BEND7: variants seen among roughly 807,000 people sequenced by gnomAD.
BEND7 encodes the protein BEN domain-containing protein 7.
Under a neutral mutation model 50.9 loss-of-function variants are expected in BEND7, and 28 were observed. The ratio of observed to expected loss-of-function variants is 0.55; its 90% CI spans 0.41 to 0.75. The LOEUF (loss-of-function observed/expected upper bound fraction) is 0.75, where lower values mean the gene tolerates loss of function less well. Among genes scored for constraint, BEND7 ranks in the 30% least tolerant of loss-of-function variants. The pLI, the probability that BEND7 is intolerant of heterozygous loss-of-function variation, is 0.00. For missense variants in BEND7, 477 were observed against 491.3 expected (o/e 0.97, Z 0.28); for synonymous variants, 170 against 183.9 (o/e 0.92, Z 0.61).
chr10:13,525,716 CCCAA>C, intron 2 of BEND7, among the ~76,000 whole-genome samples: 1 of 152,216 alleles, frequency 6.6e-6, no homozygotes, highest in Admixed American at 6.5e-5. Context: ...CTCTATCCCA[CCCAA>C]GGCAGAAGCA....
At chr10:13,501,144 G>A (rs2077418125) in intron 2 of BEND7, among the ~76,000 whole-genome samples, 1 of 151,908 alleles carries the variant, frequency 6.6e-6, no homozygotes, top group South Asian at 2.1e-4. Context: ...GGAGGCCGAG[G>A]CGGGTAGATC....
At chr10:13,482,468 G>A (rs1045164714) in intron 5 of BEND7, among the ~76,000 whole-genome samples, 6 of 152,262 alleles carry the variant, frequency 3.9e-5, no homozygotes, top group South Asian at 2.1e-4. Flanking sequence ...GTGAGGATCC[G>A]GGATGAATTT....
intron 8 of BEND7, chr10:13,446,267 C>T (rs574345280): frequency 1.3e-5 from 2 of 152,312 alleles, no homozygotes; most frequent in East Asian, 3.9e-4. Context: ...CTCTGAAGCT[C>T]TGAAGTTCAC....
Position 13,474,699 on chromosome 10 carries a change from A to G in BEND7, c.1063+6200T>C, listed in dbSNP as rs1453920003. ...GATATCCGTCATCAGTGTTGGGCTCAGGTCGATACCCGTCATCAGTGTTGG... is the reference window on the plus strand; with the variant it reads ...GATATCCGTCATCAGTGTTGGGCTCGGGTCGATACCCGTCATCAGTGTTGG... On this transcript the variant is annotated intron_variant, in intron 6 of 8. Transcript: ENST00000466271. 6.5e-5 allele frequency among the ~76,000 whole-genome samples: 9 copies of G among 138,044 alleles called. No individual in the cohort carries two copies. The South Asian group carries it at 9.6e-4, about 15-fold the overall frequency. 90.6% of individuals were successfully genotyped at this position (138,044 alleles called of 152,430 possible). A position where few individuals can be genotyped will look rare whatever the true frequency, so the allele number is the denominator to read the frequency against.
In BEND7 at chr10:13,441,321, A is replaced by AT; in HGVS notation, c.*421dup. On this transcript the variant is annotated 3_prime_UTR_variant, in exon 9 of 9. Coordinates refer to ENST00000466271, the MANE Select transcript of BEND7 (RefSeq NM_001369863.1). ...GATTTTTTTTTTGCTAAGAAAGCCT[A>AT]TAAAAAGGTTTCTGAATAAAGACTG... 1 of 998,410 alleles carries AT rather than the reference A, an allele frequency of 1.0e-6. No homozygotes were observed. The highest frequency in any genetic ancestry group is 1.2e-6 in the Non-Finnish European group (1 of 838,538). 61.8% of individuals were successfully genotyped at this position (998,410 alleles called of 1,614,324 possible). A position where few individuals can be genotyped will look rare whatever the true frequency, so the allele number is the denominator to read the frequency against.
At chr10:13,527,357 C>T (rs939204273) in intron 1 of BEND7, among the ~76,000 whole-genome samples, 1 of 152,208 alleles carries the variant, frequency 6.6e-6, no homozygotes, top group Non-Finnish European at 1.5e-5. Flanking sequence ...TTCAAAATGC[C>T]TATAATCAAA....
In BEND7 at chr10:13,441,129, A is replaced by C. The variant is rs990071030; in HGVS notation, c.*614T>G. On this transcript the variant is annotated 3_prime_UTR_variant, in exon 9 of 9. Transcript: ENST00000466271. ...TATTGTATTCTTCCAGATCAGACAT[A>C]AAGAGCATCTTGGGAATTGATACCA... is the stretch of plus-strand genomic sequence containing the variant. The C allele has an allele frequency of 2.5e-5, 25 of 985,362 alleles. No individual in the cohort carries two copies. The highest frequency in any genetic ancestry group is 2.8e-5 in the Non-Finnish European group (23 of 829,842). The allele number at this position is 985,362 out of a possible 1,614,324, so 61.0% of individuals were successfully genotyped here. A position where few individuals can be genotyped will look rare whatever the true frequency, so the allele number is the denominator to read the frequency against.
intron 5 of BEND7, among the ~76,000 whole-genome samples, chr10:13,489,182 G>A (rs2076468647): frequency 6.6e-6 from 1 of 152,188 alleles, no homozygotes; most frequent in South Asian, 2.1e-4. Flanking sequence ...GAGAAATGGA[G>A]TGGGGAGGGG....
At chr10:13,492,960 A>C in intron 4 of BEND7, 84 bp from the exon 5 acceptor site, 1 of 1,476,152 alleles carries the variant, frequency 6.8e-7, no homozygotes, top group Non-Finnish European at 9.1e-7. Context: ...TGTGATCTAC[A>C]AACTGAAACC....
intron 2 of BEND7, among the ~76,000 whole-genome samples, chr10:13,522,030 A>T (rs2079111401): frequency 6.6e-6 from 1 of 152,216 alleles, no homozygotes; most frequent in Non-Finnish European, 1.5e-5. Context: ...CATGGCTGCC[A>T]CACTGTGTGC....
intron 4 of BEND7, among the ~76,000 whole-genome samples, chr10:13,493,908 C>T (rs2076848445): frequency 6.6e-6 from 1 of 152,188 alleles, no homozygotes; most frequent in Non-Finnish European, 1.5e-5. Flanking sequence ...GGCATATAAA[C>T]ATGAATCACC....
At chr10:13,505,894 A>G (rs1483585191) in intron 2 of BEND7, among the ~76,000 whole-genome samples, 1 of 152,206 alleles carries the variant, frequency 6.6e-6, no homozygotes, top group Admixed American at 6.5e-5. Context: ...AATTAAAAAA[A>G]CCCTGCTTAT....
chr10:13,506,061 C>G (rs550403108), intron 2 of BEND7, among the ~76,000 whole-genome samples: 23 of 152,238 alleles, frequency 1.5e-4, no homozygotes, highest in Admixed American at 4.6e-4. Context: ...TTGAAAGGTA[C>G]CCCAACTCTC....
chr10:13,440,862 G>GT, downstream of BEND7, among the ~76,000 whole-genome samples: 1 of 152,324 alleles, frequency 6.6e-6, no homozygotes, highest in East Asian at 1.9e-4. Context: ...GGGACTTGCT[G>GT]TAGCCATTGA....
intron 2 of BEND7, among the ~76,000 whole-genome samples, chr10:13,504,312 C>T (rs924958169): frequency 2.0e-5 from 3 of 152,144 alleles, no homozygotes; most frequent in African/African-American, 7.2e-5. Context: ...AGCCAAGCCA[C>T]TGAATATTCT....
In BEND7 at chr10:13,441,448, CA is replaced by C; in HGVS notation, c.*294del. On this transcript the variant is annotated 3_prime_UTR_variant, in exon 9 of 9. Transcript: ENST00000466271. Reference sequence around the variant, plus strand: ...CCAGTGTGTAGATCCGTTCATCGCACACATCTTTGGGTTGAACAAGCTCCAC... The same window carrying C: ...CCAGTGTGTAGATCCGTTCATCGCACCATCTTTGGGTTGAACAAGCTCCAC... 8.2e-7 allele frequency: 1 copy of C among 1,217,172 alleles called. No individual in the cohort carries two copies. The highest frequency in any genetic ancestry group is 3.6e-5 in the South Asian group (1 of 28,000). 75.4% of individuals were successfully genotyped at this position (1,217,172 alleles called of 1,614,324 possible).
intron 6 of BEND7, among the ~76,000 whole-genome samples, chr10:13,474,553 T>C (rs10737072): frequency 0.72 from 95,076 of 131,296 alleles, 35,306 homozygotes; most frequent in East Asian, 0.88. Flanking sequence ...GGACTCGGGT[T>C]GATACCCGTC....
Position 13,488,708 on chromosome 10 carries a change from C to T in BEND7, c.837+3903G>A, listed in dbSNP as rs1588904898. The stretch of plus-strand genomic sequence containing the variant: ...TTCACCATGTTGGCCAGGACTGTCT[C>T]AATCTCCTGACCTCCTGATCCGCCC... On this transcript the variant is annotated intron_variant, in intron 5 of 8. Coordinates refer to ENST00000466271, the MANE Select transcript of BEND7 (RefSeq NM_001369863.1). Among the ~76,000 whole-genome samples the T allele has an allele frequency of 2.0e-5, 3 of 152,260 alleles. No homozygotes were observed. In the East Asian group the frequency reaches 5.8e-4, roughly 29 times the overall value.
At chr10:13,528,404 G>A (rs1589098589) in intron 1 of BEND7, 69 bp downstream of exon 1, 1 of 781,116 alleles carries the variant, frequency 1.3e-6, no homozygotes, top group Non-Finnish European at 1.6e-6. Flanking sequence ...GCCCCCCAGC[G>A]TGGACCCCCG....
Sources: gnomAD v4.1 joint callset for allele counts (sites outside exome capture counted in the v4.1 genomes callset) on GRCh38, gnomAD v4.1.1 for gene constraint, MANE v1.5 for transcripts, NCBI Gene and HGNC (gene_info 2026-07-23, HGNC 2026-07-21) for gene names.